PLGRKT: variants seen among roughly 807,000 people sequenced by gnomAD.
PLGRKT encodes the protein plasminogen receptor with a C-terminal lysine.
Under a neutral mutation model 18.5 loss-of-function variants are expected in PLGRKT, and 22 were observed. The observed-to-expected ratio is 1.19, with a 90% CI of 0.85 to 1.70. The LOEUF (loss-of-function observed/expected upper bound fraction) is 1.70, where lower values mean the gene tolerates loss of function less well. PLGRKT is among the 40% of genes most tolerant of loss of function. The pLI is 0.00. For missense variants in PLGRKT, 235 were observed against 174.4 expected, an observed-to-expected ratio of 1.35 and a Z score of -1.96; for synonymous variants, 72 against 52.8, an observed-to-expected ratio of 1.36 and a Z score of -1.58.
intron 2 of PLGRKT, among the ~76,000 whole-genome samples, chr9:5,432,636 T>C (rs370399188): frequency 0.015 from 2,251 of 152,186 alleles, 55 homozygotes; most frequent in African/African-American, 0.051. Flanking sequence ...TGCCAGGGAT[T>C]CCAGGCACGC....
At chr9:5,375,557 T>C (rs370084160) in intron 3 of PLGRKT, among the ~76,000 whole-genome samples, 4 of 152,172 alleles carry the variant, frequency 2.6e-5, no homozygotes, top group Non-Finnish European at 5.9e-5. Flanking sequence ...GAGGCAAAGA[T>C]GTTTTCAAGG....
intron 3 of PLGRKT, among the ~76,000 whole-genome samples, chr9:5,422,462 T>C (rs1256095879): frequency 6.6e-6 from 1 of 152,174 alleles, no homozygotes; most frequent in East Asian, 1.9e-4. Flanking sequence ...CTGTAGCACA[T>C]TCCATAGAAC....
chr9:5,437,200 A>C (rs1818976906), intron 1 of PLGRKT, among the ~76,000 whole-genome samples: 1 of 152,134 alleles, frequency 6.6e-6, no homozygotes, highest in African/African-American at 2.4e-5. Context: ...AGTTCCAGAC[A>C]ACCTTTCTTC....
chr9:5,396,142 C>T (rs1177126072), intron 3 of PLGRKT, among the ~76,000 whole-genome samples: 1 of 151,612 alleles, frequency 6.6e-6, no homozygotes, highest in Non-Finnish European at 1.5e-5. Context: ...GATCAGTCCG[C>T]CTCAGCCTCA....
chr9:5,436,249 T>C (rs1818957098), intron 2 of PLGRKT, among the ~76,000 whole-genome samples: 1 of 152,212 alleles, frequency 6.6e-6, no homozygotes, highest in Non-Finnish European at 1.5e-5. Flanking sequence ...CTTGATAGTC[T>C]CCATGGTGTC....
At chr9:5,393,918 A>G (rs1292235084) in intron 3 of PLGRKT, among the ~76,000 whole-genome samples, 1 of 151,952 alleles carries the variant, frequency 6.6e-6, no homozygotes, top group Non-Finnish European at 1.5e-5. Flanking sequence ...ATGGAAATGA[A>G]CACTAAAAAC....
chr9:5,425,468 G>C lies in PLGRKT; in HGVS notation c.81+6429C>G, dbSNP rs190695329. 1.0e-3 allele frequency among the ~76,000 whole-genome samples: 157 copies of C among 152,260 alleles called. No homozygotes were observed. In the Middle Eastern group the frequency reaches 0.017, roughly 16 times the overall value. On this transcript the variant is annotated intron_variant, in intron 3 of 5. Transcript: ENST00000223864. ...TTTGGTTAACCAGACTCCAGTGATT[G>C]ATTTAATTTCGTTTCCTGATTGGCT...
chr9:5,372,929 C>T (rs1420356889), intron 3 of PLGRKT, among the ~76,000 whole-genome samples: 1 of 152,098 alleles, frequency 6.6e-6, no homozygotes, highest in East Asian at 1.9e-4. Context: ...AGTGATTTTC[C>T]CCGTGGTCAC....
At chr9:5,379,294 C>T (rs1817691171) in intron 3 of PLGRKT, among the ~76,000 whole-genome samples, 1 of 152,032 alleles carries the variant, frequency 6.6e-6, no homozygotes, top group Non-Finnish European at 1.5e-5. Context: ...GTAAGATTTC[C>T]TTGGAGAGGA....
intron 3 of PLGRKT, among the ~76,000 whole-genome samples, chr9:5,423,912 ATAT>A (rs944230593): frequency 2.0e-5 from 3 of 146,656 alleles, no homozygotes; most frequent in Non-Finnish European, 4.5e-5. Flanking sequence ...CATATATTAG[ATAT>A]TATATTACCT....
chr9:5,429,753 G>A (rs1230838298), intron 3 of PLGRKT, among the ~76,000 whole-genome samples: 1 of 152,156 alleles, frequency 6.6e-6, no homozygotes, highest in East Asian at 1.9e-4. Flanking sequence ...TATAGGTTAA[G>A]GCTTCAACAT....
chr9:5,416,511 G>A (rs1475524034), intron 3 of PLGRKT, among the ~76,000 whole-genome samples: 1 of 152,076 alleles, frequency 6.6e-6, no homozygotes, highest in East Asian at 1.9e-4. Context: ...CATATAGTAG[G>A]CATTCTGAAA....
chr9:5,361,985 G>T, intron 3 of PLGRKT, 97 bp from the exon 4 acceptor site: 2 of 1,189,656 alleles, frequency 1.7e-6, no homozygotes, highest in Non-Finnish European at 2.4e-6. Flanking sequence ...TTCTTCAATT[G>T]CTTTAATTCA....
intron 1 of PLGRKT, chr9:5,437,498 C>T (rs956808042): frequency 3.3e-5 from 5 of 152,236 alleles, no homozygotes; most frequent in African/African-American, 9.6e-5. Flanking sequence ...TTTAGGTATT[C>T]CCCGCAATAG....
At chr9:5,393,464 C>G (rs1253188254) in intron 3 of PLGRKT, among the ~76,000 whole-genome samples, 1 of 151,836 alleles carries the variant, frequency 6.6e-6, no homozygotes, top group Non-Finnish European at 1.5e-5. Context: ...ATAATTCTAA[C>G]AGTAATTTCT....
Position 5,358,297 on chromosome 9 carries a change from G to T in PLGRKT, c.386C>A (p.Thr129Asn). The change falls in exon 6 of 6, where the codon ACT becomes AAT. Residue 129 changes from threonine (T) to asparagine (N), a missense_variant. Coordinates refer to ENST00000223864, the MANE Select transcript of PLGRKT (RefSeq NM_018465.4). ...TCTGGCTTTTTCAATGCTTTCAAAAGTGATCATTCCTCTTGGCAGCTGCAA... is the reference window on the plus strand; with the variant it reads ...TCTGGCTTTTTCAATGCTTTCAAAATTGATCATTCCTCTTGGCAGCTGCAA... ...SKLQLPRGMI[T>N]FESIEKARKE... 1 of 1,608,618 alleles carries T rather than the reference G, an allele frequency of 6.2e-7. No homozygotes were observed. Among genetic ancestry groups the T allele is most frequent in the Non-Finnish European group, 8.5e-7 (1 of 1,175,278 alleles).
At chr9:5,409,816 C>T (rs534065017) in intron 3 of PLGRKT, among the ~76,000 whole-genome samples, 1 of 152,226 alleles carries the variant, frequency 6.6e-6, no homozygotes, top group Admixed American at 6.5e-5. Context: ...TTATTTTGGC[C>T]AAATTCTCCT....
intron 3 of PLGRKT, among the ~76,000 whole-genome samples, chr9:5,375,737 T>C (rs1447389844): frequency 2.0e-5 from 3 of 152,340 alleles, no homozygotes; most frequent in Non-Finnish European, 2.9e-5. Flanking sequence ...CAGAACCCTT[T>C]TGCATTGCTG....
rs1351589623 is a variant in PLGRKT at position 5,418,440 on chromosome 9, G to C, written c.81+13457C>G. 11 of 959,500 alleles carry C rather than the reference G, an allele frequency of 1.1e-5. No individual in the cohort carries two copies. The highest frequency in any genetic ancestry group is 1.9e-5 in the Non-Finnish European group (11 of 591,780). The allele number at this position is 959,500 out of a possible 1,614,324, so 59.4% of individuals were successfully genotyped here. On this transcript the variant is annotated intron_variant, in intron 3 of 5. Transcript: ENST00000223864. The surrounding 1 kb of genome is among the most constrained non-coding windows in gnomAD (Gnocchi z 4.2). ...TATGGAGCACGATGCTGAGGAGGAAGACCAAGACGCAAGCCACCAAGATGA... is the reference window on the plus strand; with the variant it reads ...TATGGAGCACGATGCTGAGGAGGAACACCAAGACGCAAGCCACCAAGATGA...
Sources: gnomAD v4.1 joint callset for allele counts (sites outside exome capture counted in the v4.1 genomes callset) on GRCh38, gnomAD v4.1.1 for gene constraint, Gnocchi (gnomAD v3.1) non-coding constraint, MANE v1.5 for transcripts, NCBI Gene and HGNC (gene_info 2026-07-23, HGNC 2026-07-21) for gene names.